Variants in HLF observed in about 807,000 individuals in gnomAD.
HLF encodes HLF transcription factor, PAR bZIP family member, also known as hepatic leukemia factor.
Under a neutral mutation model 22.6 loss-of-function variants are expected in HLF, and 3 were observed. The observed-to-expected ratio is 0.13, with a 90% CI of 0.06 to 0.34. The LOEUF is 0.34. Among genes scored for constraint, HLF ranks in the 10% least tolerant of loss-of-function variants. The probability of loss-of-function intolerance (pLI) is 1.00; values close to 1 mark genes in which losing one functional copy is unlikely to be tolerated. For missense variants in HLF, 299 were observed against 389.2 expected, an observed-to-expected ratio of 0.77 and a Z score of 1.95; for synonymous variants, 151 against 151.8, an observed-to-expected ratio of 0.99 and a Z score of 0.04.
intron 2 of HLF, among the ~76,000 whole-genome samples, chr17:55,308,647 A>G (rs1009415443): frequency 2.0e-5 from 3 of 152,234 alleles, no homozygotes; most frequent in Middle Eastern, 3.2e-3. Flanking sequence ...CTCACTTCAC[A>G]GCGTAAAACG....
intron 2 of HLF, among the ~76,000 whole-genome samples, chr17:55,293,349 G>C (rs538134848): frequency 4.5e-4 from 68 of 152,326 alleles, no homozygotes; most frequent in Non-Finnish European, 7.5e-4. Flanking sequence ...GGCAACGGCC[G>C]ATCGCCACTG....
chr17:55,310,038 T>A (rs535569404), intron 2 of HLF, among the ~76,000 whole-genome samples: 24 of 152,350 alleles, frequency 1.6e-4, no homozygotes, highest in Admixed American at 5.2e-4. Flanking sequence ...AAATATCCTG[T>A]TTCCAGTTAT....
At chr17:55,301,528 A>G (rs918056085) in intron 2 of HLF, among the ~76,000 whole-genome samples, 1 of 152,266 alleles carries the variant, frequency 6.6e-6, no homozygotes, top group African/African-American at 2.4e-5. Context: ...CAACATTGGT[A>G]TAGTCAGGAG....
chr17:55,288,454 A>T (rs1189206329), intron 2 of HLF, among the ~76,000 whole-genome samples: 2 of 152,088 alleles, frequency 1.3e-5, no homozygotes, highest in East Asian at 3.9e-4. Context: ...GGCCAGTTTC[A>T]CTGTTTTCTG....
chr17:55,316,006 G>A (rs764854536), intron 3 of HLF, among the ~76,000 whole-genome samples: 16 of 152,184 alleles, frequency 1.1e-4, no homozygotes, highest in Non-Finnish European at 2.4e-4. Flanking sequence ...TGTATCTTAA[G>A]TAACGATCAC....
chr17:55,307,094 C>T (rs763072389), intron 2 of HLF, among the ~76,000 whole-genome samples: 32 of 148,698 alleles, frequency 2.2e-4, no homozygotes, highest in Middle Eastern at 3.5e-3. Context: ...TTTCCTCCCT[C>T]TCTTTGGTTT....
intron 1 of HLF, chr17:55,266,026 A>T: frequency 5.9e-6 from 1 of 170,174 alleles, no homozygotes; most frequent in Non-Finnish European, 1.2e-5. Flanking sequence ...GGCTTGAGGG[A>T]GGGGGTTTCA....
rs912152294 is a variant in HLF at position 55,265,301 on chromosome 17, T to A, written c.-184T>A. ...CACTGGAAACCCGAAAGTTTTTTTT[T>A]AATATATATTTTTATGCAGATGTAT... On this transcript the variant is annotated 5_prime_UTR_variant, in exon 1 of 4. Coordinates refer to ENST00000226067, the MANE Select transcript of HLF (RefSeq NM_002126.5). 1.2e-5 allele frequency: 6 copies of A among 504,154 alleles called. No homozygotes were observed. The highest frequency in any genetic ancestry group is 2.0e-5 in the African/African-American group (1 of 49,306). The allele number at this position is 504,154 out of a possible 1,614,324, so 31.2% of individuals were successfully genotyped here.
rs1197271558 is a variant in HLF, at chr17:55,321,372, G to A, written c.*493G>A. Reference sequence around the variant, plus strand: ...CCGTAAGTTACCATGCTAATGAGGTGCACACAATAACTTAGCACTACTCCG... The same window carrying A: ...CCGTAAGTTACCATGCTAATGAGGTACACACAATAACTTAGCACTACTCCG... On this transcript the variant is annotated 3_prime_UTR_variant, in exon 4 of 4. Coordinates refer to ENST00000226067, the MANE Select transcript of HLF (RefSeq NM_002126.5). The A allele has an allele frequency of 8.4e-6, 2 of 237,944 alleles. No homozygotes were observed. Among genetic ancestry groups the A allele is most frequent in the Non-Finnish European group, 1.7e-5 (2 of 120,418 alleles). 14.7% of individuals were successfully genotyped at this position (237,944 alleles called of 1,614,324 possible).
At chr17:55,275,305 A>G (rs1244041475) in intron 2 of HLF, among the ~76,000 whole-genome samples, 1 of 152,136 alleles carries the variant, frequency 6.6e-6, no homozygotes. Context: ...TATGTTTCCC[A>G]GGCTGGTCTT....
At chr17:55,319,900 A>G (rs187509118) in intron 3 of HLF, among the ~76,000 whole-genome samples, 150 of 152,266 alleles carry the variant, frequency 9.9e-4, no homozygotes, top group African/African-American at 3.4e-3. Context: ...TTCTATGAAT[A>G]TATGATTTTT....
intron 2 of HLF, among the ~76,000 whole-genome samples, chr17:55,310,706 G>A (rs918492142): frequency 1.3e-5 from 2 of 152,222 alleles, no homozygotes; most frequent in Non-Finnish European, 2.9e-5. Flanking sequence ...TATAGAGGCA[G>A]AAGATGAGAT....
At chr17:55,268,506 G>C (rs544673160) in intron 2 of HLF, among the ~76,000 whole-genome samples, 1 of 152,158 alleles carries the variant, frequency 6.6e-6, no homozygotes, top group Non-Finnish European at 1.5e-5. Flanking sequence ...ATAACAGGTA[G>C]ACTCTCAATA....
In HLF at chr17:55,265,450, CTTTT is replaced by C. The variant is rs748869301; in HGVS notation, c.-31_-28del. On this transcript the variant is annotated 5_prime_UTR_variant, in exon 1 of 4. Transcript: ENST00000226067. ...GGGGGCGGTTGTTTCTTTCTTATTT[CTTTT>C]TTTAAGGGGAAAAAATTTGAGTGCA... 26 of 1,175,358 alleles carry C rather than the reference CTTTT, an allele frequency of 2.2e-5. No homozygotes were observed. The South Asian group carries it at 3.2e-4, about 14-fold the overall frequency. The allele number at this position is 1,175,358 out of a possible 1,614,324, so 72.8% of individuals were successfully genotyped here.
intron 2 of HLF, among the ~76,000 whole-genome samples, chr17:55,268,737 CT>C (rs367940386): frequency 0.15 from 21,832 of 145,836 alleles, 1,675 homozygotes; most frequent in Middle Eastern, 0.19. Context: ...CTGTTCTTAT[CT>C]TTTTTTTTTT....
Position 55,320,476 on chromosome 17 carries a change from A to G in HLF, c.673-188A>G, listed in dbSNP as rs1905225231. 6.6e-6 allele frequency among the ~76,000 whole-genome samples: 1 copy of G among 152,136 alleles called. No individual in the cohort carries two copies. The highest frequency in any genetic ancestry group is 2.4e-5 in the African/African-American group (1 of 41,428). ...GGACAGATCGGTGGGTCCTTGCTCCAAGAAGGAAGTGTGGCTCATGGGCCA... is the reference window on the plus strand; with the variant it reads ...GGACAGATCGGTGGGTCCTTGCTCCGAGAAGGAAGTGTGGCTCATGGGCCA... On this transcript the variant is annotated intron_variant, in intron 3 of 3. Coordinates refer to ENST00000226067, the MANE Select transcript of HLF (RefSeq NM_002126.5). The surrounding 1 kb of genome is among the most constrained non-coding windows in gnomAD (Gnocchi z 4.2).
At chr17:55,273,747 C>T in intron 2 of HLF, 1 of 145,756 alleles carries the variant, frequency 6.9e-6, no homozygotes. Flanking sequence ...GTGTGGTGTG[C>T]TGGCTTGCTT....
chr17:55,322,029 A>C lies in HLF; in HGVS notation c.*1150A>C. ...TTTTTAAAAAGAAAATCAGTTGATT[A>C]AGTTAATAAGTTGATGTTTTCTAAG... On this transcript the variant is annotated 3_prime_UTR_variant, in exon 4 of 4. Coordinates refer to ENST00000226067, the MANE Select transcript of HLF (RefSeq NM_002126.5). 4.6e-6 allele frequency: 1 copy of C among 216,020 alleles called. No individual in the cohort carries two copies. Among genetic ancestry groups the C allele is most frequent in the Non-Finnish European group, 9.3e-6 (1 of 107,008 alleles). 13.4% of individuals were successfully genotyped at this position (216,020 alleles called of 1,614,324 possible).
At chr17:55,285,070 G>GT (rs985459756) in intron 2 of HLF, among the ~76,000 whole-genome samples, 1 of 152,196 alleles carries the variant, frequency 6.6e-6, no homozygotes, top group Admixed American at 6.5e-5. Flanking sequence ...CATGGTGATT[G>GT]TTTGGGTTCC....
Sources: gnomAD v4.1 joint callset for allele counts (sites outside exome capture counted in the v4.1 genomes callset) on GRCh38, gnomAD v4.1.1 for gene constraint, Gnocchi (gnomAD v3.1) non-coding constraint, MANE v1.5 for transcripts, NCBI Gene and HGNC (gene_info 2026-07-23, HGNC 2026-07-21) for gene names.